SYNE1: variants seen among roughly 807,000 people sequenced by gnomAD.
SYNE1 encodes spectrin repeat containing nuclear envelope protein 1.
SYNE1 carries 616 observed loss-of-function variants against 1,111.0 expected under a neutral mutation model. The ratio of observed to expected loss-of-function variants is 0.55; its 90% CI spans 0.52 to 0.59. The LOEUF is 0.59. SYNE1 is among the 20% of genes least tolerant of loss of function. SYNE1 has a pLI of 0.00. For synonymous variants in SYNE1, 3,855 were observed against 3,825.8 expected (o/e 1.01, Z -0.28); for missense variants, 10,006 against 10,417.0 (o/e 0.96, Z 1.72).
At chr6:152,169,193 T>C (rs908310974) in intron 130 of SYNE1, among the ~76,000 whole-genome samples, 1 of 152,024 alleles carries the variant, frequency 6.6e-6, no homozygotes, top group Non-Finnish European at 1.5e-5. Context: ...GATTTGTAAC[T>C]AAAATAAAAC....
At chr6:152,496,515 A>T (rs2099000184) in intron 11 of SYNE1, among the ~76,000 whole-genome samples, 1 of 152,040 alleles carries the variant, frequency 6.6e-6, no homozygotes, top group Non-Finnish European at 1.5e-5. Context: ...ATTCACACAA[A>T]ACCACATCCA....
At chr6:152,361,991 ATAAAG>A (rs751922056) in intron 64 of SYNE1, among the ~76,000 whole-genome samples, 174 bp downstream of exon 64, 2 of 152,216 alleles carry the variant, frequency 1.3e-5, no homozygotes, top group East Asian at 1.9e-4. Flanking sequence ...TCACTCACTA[ATAAAG>A]TAATCACAAA....
chr6:152,452,591 A>G (rs2098660264), intron 25 of SYNE1, among the ~76,000 whole-genome samples: 2 of 152,168 alleles, frequency 1.3e-5, no homozygotes, highest in South Asian at 2.1e-4. Flanking sequence ...TCAGCTGCCA[A>G]TCTTCTGAAC....
Position 152,430,535 on chromosome 6 carries a change from T to C in SYNE1, c.4636A>G (p.Thr1546Ala), listed in dbSNP as rs146965313. 3.0e-5 allele frequency: 49 copies of C among 1,614,042 alleles called. No individual in the cohort carries two copies. The African/African-American group carries it at 6.0e-4, about 20-fold the overall frequency. Reference protein sequence around the residue: ...LREHAQCLEGTILGHLSQQQK... With the variant: ...LREHAQCLEGAILGHLSQQQK... Reference sequence around the variant, plus strand: ...TGCTGAGATAAATGTCCCAGGATTGTTCCTTCCAGACACTGTGCATGCTCT... The same window carrying C: ...TGCTGAGATAAATGTCCCAGGATTGCTCCTTCCAGACACTGTGCATGCTCT... Residue 1546 changes from threonine to alanine, a missense_variant, in exon 35 of 146, where the codon ACA (threonine) becomes GCA (alanine). By Grantham distance (58) the Thr-to-Ala change is moderately conservative. This residue lies in a region of SYNE1 where 1,971 missense variants were observed against 2,084.1 expected (regional missense o/e 0.95). Transcript: ENST00000367255.
intron 1 of SYNE1, 180 bp downstream of exon 1, chr6:152,637,009 C>G (rs868034470): frequency 5.9e-5 from 9 of 152,540 alleles, no homozygotes; most frequent in African/African-American, 1.9e-4. Context: ...GCATCTACTG[C>G]TCCTGTCGGG....
chr6:152,320,427 G>A (rs1186673962), intron 84 of SYNE1, among the ~76,000 whole-genome samples: 1 of 152,046 alleles, frequency 6.6e-6, no homozygotes, highest in Non-Finnish European at 1.5e-5. Flanking sequence ...ATTTCATGTA[G>A]CAATTTAGAA....
chr6:152,215,135 T>C, intron 121 of SYNE1, 75 bp from the exon 122 acceptor site: 1 of 1,550,684 alleles, frequency 6.4e-7, no homozygotes, highest in Non-Finnish European at 8.8e-7. Flanking sequence ...GCGCAGTGAA[T>C]TTCTGATTTC....
In SYNE1 at chr6:152,318,898, T is replaced by C; in HGVS notation, c.16354A>G (p.Thr5452Ala). The stretch of plus-strand genomic sequence containing the variant: ...GTTTTAGCTTGAACTACATTATCTG[T>C]CTTCGCTTTCAGCTTAGTTAGAATA... ...TTILTKLKAKTDNVVQAKTDQ... is the reference protein window; with the variant it reads ...TTILTKLKAKADNVVQAKTDQ... The change falls in exon 85 of 146, where the codon ACA becomes GCA. Residue 5452 changes from threonine (T) to alanine (A), a missense_variant. Transcript: ENST00000367255. The C allele has an allele frequency of 6.2e-7, 1 of 1,614,230 alleles. No individual in the cohort carries two copies. Among genetic ancestry groups the C allele is most frequent in the South Asian group, 1.1e-5 (1 of 91,076 alleles).
Position 152,537,636 on chromosome 6 carries a change from A to T in SYNE1, c.129+2324T>A, listed in dbSNP as rs536183697. Among the ~76,000 whole-genome samples the T allele has an allele frequency of 9.9e-4, 151 of 152,262 alleles. 2 individuals carry two copies. Among genetic ancestry groups the T allele is most frequent in the African/African-American group, 3.4e-3 (140 of 41,572 alleles). ...AAAAGTCAAAAGTATATTAATTTGC[A>T]ACTGAGCAAAGCAGTCAAGCACAAA... On this transcript the variant is annotated intron_variant, in intron 4 of 145. Transcript: ENST00000367255.
intron 127 of SYNE1, among the ~76,000 whole-genome samples, chr6:152,200,377 T>C (rs1040998020): frequency 6.6e-6 from 1 of 152,220 alleles, no homozygotes; most frequent in African/African-American, 2.4e-5. Flanking sequence ...CCATTCCTGC[T>C]TTGCAGAAGT....
intron 3 of SYNE1, among the ~76,000 whole-genome samples, chr6:152,606,333 A>G (rs1278781428): frequency 6.6e-6 from 1 of 152,180 alleles, no homozygotes; most frequent in Non-Finnish European, 1.5e-5. Context: ...CCAGCTTCCA[A>G]AGAGTCCACT....
intron 3 of SYNE1, among the ~76,000 whole-genome samples, chr6:152,596,656 T>C (rs1306569453): frequency 6.6e-6 from 1 of 152,162 alleles, no homozygotes; most frequent in Non-Finnish European, 1.5e-5. Flanking sequence ...ACTTTCAAGG[T>C]AAGTATTGTA....
At chr6:152,221,296 T>C (rs1386638928) in intron 118 of SYNE1, 130 bp downstream of exon 118, 7 of 1,245,006 alleles carry the variant, frequency 5.6e-6, no homozygotes, top group Non-Finnish European at 7.9e-6. Context: ...CTTAAATTCA[T>C]GTTGTGAAAG....
chr6:152,395,280 A>G (rs1343435629), intron 51 of SYNE1, among the ~76,000 whole-genome samples: 1 of 152,178 alleles, frequency 6.6e-6, no homozygotes, highest in African/African-American at 2.4e-5. Context: ...TCTTGAACAA[A>G]CAGGAGGTGG....
chr6:152,220,108 A>G (rs1156645449), intron 119 of SYNE1, among the ~76,000 whole-genome samples: 3 of 152,238 alleles, frequency 2.0e-5, no homozygotes, highest in Admixed American at 6.5e-5. Context: ...TAAAATACCC[A>G]TCTTTAGCTT....
Position 152,164,343 on chromosome 6 carries a change from G to A in SYNE1, c.23628-18C>T. On this transcript the variant is annotated intron_variant, in intron 130 of 145. Coordinates refer to ENST00000367255, the MANE Select transcript of SYNE1 (RefSeq NM_182961.4). ...TCTTCACCCTGTGGGCAGAGAAGGG[G>A]GAATGTCCCACTTCAGCGAGAGGCC... The A allele has an allele frequency of 6.2e-7, 1 of 1,613,896 alleles. No homozygotes were observed. Among genetic ancestry groups the A allele is most frequent in the Non-Finnish European group, 8.5e-7 (1 of 1,180,010 alleles).
intron 53 of SYNE1, among the ~76,000 whole-genome samples, chr6:152,388,747 C>G (rs1302749345): frequency 6.6e-6 from 1 of 152,246 alleles, no homozygotes; most frequent in Non-Finnish European, 1.5e-5. Flanking sequence ...ATAATTTGAA[C>G]ATTGCTATCA....
At chr6:152,125,323 G>A in intron 145 of SYNE1, 2 of 1,550,342 alleles carry the variant, frequency 1.3e-6, no homozygotes. Context: ...AAAATATTTG[G>A]AAACAAGTGG....
intron 89 of SYNE1, 117 bp from the exon 90 acceptor site, chr6:152,310,134 ATGTTT>A: frequency 2.8e-6 from 3 of 1,055,910 alleles, no homozygotes; most frequent in Non-Finnish European, 4.1e-6. Flanking sequence ...AAAAAAAAAA[ATGTTT>A]AAAACAGTGT....
Sources: allele counts gnomAD v4.1 joint callset (sites outside exome capture counted in the v4.1 genomes callset), GRCh38; gene constraint gnomAD v4.1.1; regional missense constraint gnomAD v4.1.1; transcripts MANE v1.5; gene names NCBI Gene and HGNC (gene_info 2026-07-23, HGNC 2026-07-21).